SLC16A1: variants seen among roughly 807,000 people sequenced by gnomAD.
SLC16A1 encodes the protein solute carrier family 16 member 1, also known as monocarboxylate transporter 1.
In SLC16A1, 11 loss-of-function variants were observed where a neutral mutation model predicts 32.2. The observed-to-expected ratio is 0.34, with a 90% CI of 0.21 to 0.56. The LOEUF (loss-of-function observed/expected upper bound fraction) is 0.56, where lower values mean the gene tolerates loss of function less well. Among genes scored for constraint, SLC16A1 ranks in the 20% least tolerant of loss-of-function variants. The pLI, the probability that SLC16A1 is intolerant of heterozygous loss-of-function variation, is 0.87. For missense variants in SLC16A1, 435 were observed against 615.0 expected (o/e 0.71, Z 3.10); for synonymous variants, 231 against 226.8 (o/e 1.02, Z -0.17).
chr1:112,939,053 GTT>G (rs60769129), intron 1 of SLC16A1, among the ~76,000 whole-genome samples: 1 of 144,134 alleles, frequency 6.9e-6, no homozygotes, highest in Non-Finnish European at 1.5e-5. Context: ...ACCATGCCCA[GTT>G]TTTTTTTTTT....
Position 112,914,069 on chromosome 1 carries a change from C to T in SLC16A1, c.1325G>A (p.Gly442Asp), listed in dbSNP as rs1362080618. The T allele has an allele frequency of 3.7e-6, 6 of 1,614,200 alleles. No individual in the cohort carries two copies. The highest frequency in any genetic ancestry group is 5.1e-6 in the Non-Finnish European group (6 of 1,180,038). The change falls in exon 5 of 5, where the codon GGC (glycine) becomes GAC (aspartate). Residue 442 changes from glycine to aspartate, a missense_variant. Around this residue, in one of 2 missense-constraint regions of SLC16A1, gnomAD observed 111 missense variants for 114.7 expected, o/e 0.97. Transcript: ENST00000369626. ...ISGIYLFIGM[G>D]INYRLLAKEQ... ...TTTTGCCAAAAGTCGATAATTGATG[C>T]CCATGCCAATGAAGAGATAGATACC... is the stretch of plus-strand genomic sequence containing the variant.
chr1:112,917,053 G>A lies in SLC16A1; in HGVS notation c.1228+125C>T. ...GTGCCAAGCATTGTCCCAGCATCAA[G>A]GGTACATAAATGAGAAAGATTTATT... On this transcript the variant is annotated intron_variant, in intron 4 of 4. Coordinates refer to ENST00000369626, the MANE Select transcript of SLC16A1 (RefSeq NM_003051.4). The surrounding 1 kb of genome is among the most constrained non-coding windows in gnomAD (Gnocchi z 4.1). The A allele has an allele frequency of 8.4e-7, 1 of 1,196,252 alleles. No homozygotes were observed. The allele number at this position is 1,196,252 out of a possible 1,614,324, so 74.1% of individuals were successfully genotyped here.
chr1:112,943,787 CAAAAAAAAAA>C (rs60946516), intron 1 of SLC16A1, among the ~76,000 whole-genome samples: 9 of 49,496 alleles, frequency 1.8e-4, no homozygotes, highest in Non-Finnish European at 3.7e-4. Context: ...GACTCCATCT[CAAAAAAAAAA>C]AAAAAAAAAA....
In SLC16A1 at chr1:112,929,267, TG is replaced by T. The variant is rs606231309; in HGVS notation, c.41del (p.Pro14GlnfsTer10). ...CCACTGCCCAGCCCCAGCCTCCATC[TG>T]GGGGGGTGTATCCAACTGGACCTCC... ...AVGGPVGYTP[P>X]DGGWGWAVVI... is the part of the protein sequence containing the mutation. On this transcript the variant is annotated frameshift_variant, in exon 2 of 5. Transcript: ENST00000369626. LOFTEE classifies it high-confidence loss of function. The T allele has an allele frequency of 5.6e-6, 9 of 1,613,834 alleles. No individual in the cohort carries two copies. Among genetic ancestry groups the T allele is most frequent in the Non-Finnish European group, 6.8e-6 (8 of 1,179,972 alleles).
intron 1 of SLC16A1, among the ~76,000 whole-genome samples, chr1:112,930,764 G>T (rs986463629): frequency 2.9e-5 from 4 of 139,112 alleles, no homozygotes; most frequent in Admixed American, 7.7e-5. Context: ...TCACTCTGTC[G>T]CCCGGGCTGG....
At chr1:112,949,370 T>G (rs1439977065) in intron 1 of SLC16A1, among the ~76,000 whole-genome samples, 2 of 152,104 alleles carry the variant, frequency 1.3e-5, no homozygotes, top group African/African-American at 4.8e-5. Flanking sequence ...TTATTATGCC[T>G]TAATTTGTGA....
Position 112,917,003 on chromosome 1 carries a change from G to A in SLC16A1, c.1228+175C>T. 1 of 802,990 alleles carries A rather than the reference G, an allele frequency of 1.2e-6. No homozygotes were observed. The highest frequency in any genetic ancestry group is 2.1e-6 in the Non-Finnish European group (1 of 485,944). 49.7% of individuals were successfully genotyped at this position (802,990 alleles called of 1,614,324 possible). ...TTGCCTTGATGGTTCCATTTAATTAGATTCTATATTTGAGCAATTATGCTG... is the reference window on the plus strand; with the variant it reads ...TTGCCTTGATGGTTCCATTTAATTAAATTCTATATTTGAGCAATTATGCTG... On this transcript the variant is annotated intron_variant, in intron 4 of 4. Transcript: ENST00000369626. This position sits in a 1 kb window ranked among gnomAD's most constrained non-coding sequence, Gnocchi z 4.1.
chr1:112,923,350 A>G, intron 2 of SLC16A1: 1 of 521,088 alleles, frequency 1.9e-6, no homozygotes, highest in Non-Finnish European at 3.5e-6. Context: ...CGCGGCCGCC[A>G]ACTCCAGGGA....
chr1:112,916,511 A>AC (rs1322556185), intron 4 of SLC16A1, among the ~76,000 whole-genome samples: 1 of 151,324 alleles, frequency 6.6e-6, no homozygotes, highest in African/African-American at 2.4e-5. Context: ...AAAAAAAAAA[A>AC]AAAAAAAAAA....
chr1:112,943,229 T>C (rs990453287), intron 1 of SLC16A1, among the ~76,000 whole-genome samples: 5 of 152,200 alleles, frequency 3.3e-5, no homozygotes, highest in East Asian at 1.9e-4. Flanking sequence ...TCATTTTAAA[T>C]TGAAAACCGG....
In SLC16A1 at chr1:112,956,138, T is replaced by A. The variant is rs1650089468; in HGVS notation, c.-148A>T. The A allele has an allele frequency of 6.6e-6, 1 of 152,286 alleles. No homozygotes were observed. Among genetic ancestry groups the A allele is most frequent in the Non-Finnish European group, 1.5e-5 (1 of 68,126 alleles). 9.4% of individuals were successfully genotyped at this position (152,286 alleles called of 1,614,324 possible). A position where few individuals can be genotyped will look rare whatever the true frequency, so the allele number is the denominator to read the frequency against. Reference sequence around the variant, plus strand: ...CGGCTCCCGTCCTTCGCTCGCTGCCTCGTTTGCTTGTTCCAGTACCCACGC... The same window carrying A: ...CGGCTCCCGTCCTTCGCTCGCTGCCACGTTTGCTTGTTCCAGTACCCACGC... On this transcript the variant is annotated 5_prime_UTR_variant, in exon 1 of 5. Transcript: ENST00000369626.
intron 2 of SLC16A1, chr1:112,923,687 C>G: frequency 6.5e-7 from 1 of 1,528,368 alleles, no homozygotes. Flanking sequence ...TCTACCTGCT[C>G]AGGCCAGACC....
chr1:112,922,222 C>T (rs1648762404), intron 2 of SLC16A1, 89 bp from the exon 3 acceptor site: 6 of 1,222,440 alleles, frequency 4.9e-6, no homozygotes, highest in Non-Finnish European at 7.1e-6. Flanking sequence ...ACAAATCCTC[C>T]AAAATAAACA....
chr1:112,914,382 A>T (rs1019867498), intron 4 of SLC16A1, among the ~76,000 whole-genome samples: 4 of 152,202 alleles, frequency 2.6e-5, no homozygotes, highest in Admixed American at 2.0e-4. Flanking sequence ...TGTTATTTTT[A>T]GTAACTTGAA....
intron 1 of SLC16A1, among the ~76,000 whole-genome samples, chr1:112,949,802 G>A (rs1029432870): frequency 3.3e-5 from 5 of 152,104 alleles, no homozygotes; most frequent in African/African-American, 1.2e-4. Context: ...AGCCTCCCAA[G>A]TGCTGGGATT....
intron 3 of SLC16A1, 45 bp from the exon 4 acceptor site, chr1:112,918,089 TAAATAAATA>T: frequency 9.2e-7 from 1 of 1,089,060 alleles, no homozygotes; most frequent in Non-Finnish European, 1.2e-6. Flanking sequence ...AATAAATAAA[TAAATAAATA>T]AATAATAAGA....
rs569485565 is a variant in SLC16A1, at chr1:112,932,095, C to T, written c.-44-2743G>A. Among the ~76,000 whole-genome samples, 7 of 152,222 alleles carry T rather than the reference C, an allele frequency of 4.6e-5. No homozygotes were observed. In the East Asian group the frequency reaches 1.4e-3, roughly 29 times the overall value. Reference sequence around the variant, plus strand: ...ATACAATTTAGGACACTGGACATTGCGGGAGTATGATGAAAATAGCTCCAT... The same window carrying T: ...ATACAATTTAGGACACTGGACATTGTGGGAGTATGATGAAAATAGCTCCAT... On this transcript the variant is annotated intron_variant, in intron 1 of 4. Transcript: ENST00000369626.
chr1:112,950,004 C>T (rs1238584125), intron 1 of SLC16A1, among the ~76,000 whole-genome samples: 1 of 152,178 alleles, frequency 6.6e-6, no homozygotes, highest in Non-Finnish European at 1.5e-5. Flanking sequence ...TTCAAGATAG[C>T]TATAACAGCT....
In SLC16A1 at chr1:112,923,707, C is replaced by T. The variant is rs929754282; in HGVS notation, c.218-1574G>A. On this transcript the variant is annotated intron_variant, in intron 2 of 4. Coordinates refer to ENST00000369626, the MANE Select transcript of SLC16A1 (RefSeq NM_003051.4). ...CTGCTCAGGCCAGACCACAGCACCC[C>T]GGTGGAAGAGACACTGAGTGCCTGC... The T allele has an allele frequency of 2.0e-5, 31 of 1,538,058 alleles. No individual in the cohort carries two copies. The South Asian group carries it at 2.7e-4, about 13-fold the overall frequency.
Sources: gnomAD v4.1 joint callset for allele counts (sites outside exome capture counted in the v4.1 genomes callset) on GRCh38, gnomAD v4.1.1 for gene constraint, gnomAD v4.1.1 regional missense constraint, Gnocchi (gnomAD v3.1) non-coding constraint, MANE v1.5 for transcripts, NCBI Gene and HGNC (gene_info 2026-07-23, HGNC 2026-07-21) for gene names.